XKR4: variants seen among roughly 807,000 people sequenced by gnomAD.
XKR4 encodes XK related 4, also known as XK-related protein 4.
A neutral mutation model predicts 53.9 loss-of-function variants in XKR4; 12 were observed. The observed-to-expected ratio is 0.22, with a 90% CI of 0.14 to 0.36. The LOEUF (loss-of-function observed/expected upper bound fraction) is 0.36. Ranked by LOEUF, XKR4 falls within the 10% of genes least tolerant of loss-of-function variation. The probability of loss-of-function intolerance (pLI) is 1.00; values close to 1 mark genes in which losing one functional copy is unlikely to be tolerated. For missense variants in XKR4, 799 were observed against 859.5 expected, an observed-to-expected ratio of 0.93 and a Z score of 0.88; for synonymous variants, 354 against 362.4, an observed-to-expected ratio of 0.98 and a Z score of 0.26.
At chr8:55,510,916 G>A (rs1806615986) in intron 2 of XKR4, among the ~76,000 whole-genome samples, 1 of 152,154 alleles carries the variant, frequency 6.6e-6, no homozygotes, top group East Asian at 1.9e-4. Flanking sequence ...CTGAGCCCTT[G>A]GGGTCCTCAC....
chr8:55,206,731 A>T (rs16921396), intron 1 of XKR4, among the ~76,000 whole-genome samples: 4,152 of 152,338 alleles, frequency 0.027, 123 homozygotes, highest in African/African-American at 0.071. Context: ...TTTTGCAGAA[A>T]CATTAATTTT....
At chr8:55,141,966 G>C (rs1816710824) in intron 1 of XKR4, among the ~76,000 whole-genome samples, 6 of 152,038 alleles carry the variant, frequency 3.9e-5, no homozygotes, top group Admixed American at 3.3e-4. Context: ...CCTTCCCCAG[G>C]CCCCGCCTCT....
intron 2 of XKR4, among the ~76,000 whole-genome samples, chr8:55,426,343 T>G (rs150301952): frequency 6.6e-6 from 1 of 152,250 alleles, no homozygotes; most frequent in East Asian, 1.9e-4. Flanking sequence ...TCCTGAAGCC[T>G]TTCCTAAAAC....
chr8:55,211,495 G>A (rs1817729350), intron 1 of XKR4, among the ~76,000 whole-genome samples: 1 of 152,072 alleles, frequency 6.6e-6, no homozygotes, highest in Admixed American at 6.5e-5. Context: ...ACTCAAATTA[G>A]GTCTTTACTA....
intron 1 of XKR4, among the ~76,000 whole-genome samples, chr8:55,303,534 C>A (rs1311318583): frequency 6.6e-6 from 1 of 152,172 alleles, no homozygotes. Flanking sequence ...GGAGGATTCC[C>A]TCTTTTTCTA....
At chr8:55,266,994 A>T (rs559510669) in intron 1 of XKR4, among the ~76,000 whole-genome samples, 1 of 152,212 alleles carries the variant, frequency 6.6e-6, no homozygotes, top group Non-Finnish European at 1.5e-5. Context: ...TTATGCAATG[A>T]CAAGATCAAA....
At chr8:55,176,933 C>T (rs1011881580) in intron 1 of XKR4, among the ~76,000 whole-genome samples, 2 of 152,062 alleles carry the variant, frequency 1.3e-5, no homozygotes, top group African/African-American at 4.8e-5. Context: ...AATTTGTGCG[C>T]AGCCAAATCA....
chr8:55,418,735 C>A (rs1804884532), intron 2 of XKR4, among the ~76,000 whole-genome samples: 1 of 152,338 alleles, frequency 6.6e-6, no homozygotes, highest in Admixed American at 6.5e-5. Context: ...GAGGCACAGG[C>A]TCAGTGATAG....
At chr8:55,451,683 C>A in intron 2 of XKR4, 1 of 1,492,218 alleles carries the variant, frequency 6.7e-7, no homozygotes, top group Non-Finnish European at 9.2e-7. Context: ...TCAGCAGCCC[C>A]GGGTACCTGC....
intron 1 of XKR4, among the ~76,000 whole-genome samples, chr8:55,263,442 C>T (rs1372748988): frequency 6.6e-6 from 1 of 152,130 alleles, no homozygotes; most frequent in East Asian, 1.9e-4. Flanking sequence ...TGCACTTTTC[C>T]TTAGGGTCAG....
In XKR4 at chr8:55,310,059, G is replaced by A. The variant is rs1586003297; in HGVS notation, c.807-47619G>A. ...TGTGTGTGCATGTGTGTCTGTGTGT[G>A]TGTGTGCATGTTTTTGAAGAAAACA... On this transcript the variant is annotated intron_variant, in intron 1 of 2. Transcript: ENST00000327381. Among the ~76,000 whole-genome samples, 4 of 152,138 alleles carry A rather than the reference G, an allele frequency of 2.6e-5. No homozygotes were observed. In the South Asian group the frequency reaches 8.3e-4, roughly 32 times the overall value.
chr8:55,410,576 A>C (rs541119455), intron 2 of XKR4, among the ~76,000 whole-genome samples: 11 of 152,164 alleles, frequency 7.2e-5, no homozygotes, highest in African/African-American at 2.6e-4. Context: ...ACTCACATTC[A>C]TCCCCCTGTA....
chr8:55,159,250 G>T (rs974382326), intron 1 of XKR4, among the ~76,000 whole-genome samples: 2 of 152,162 alleles, frequency 1.3e-5, no homozygotes, highest in Non-Finnish European at 1.5e-5. Context: ...ATTGGTAGAA[G>T]TAGTCTTTTA....
At chr8:55,430,742 G>A (rs1409554483) in intron 2 of XKR4, among the ~76,000 whole-genome samples, 6 of 152,208 alleles carry the variant, frequency 3.9e-5, no homozygotes, top group Non-Finnish European at 8.8e-5. Context: ...TGAAGGTGTA[G>A]GTAAGGTTGG....
chr8:55,246,200 A>G (rs1289027926), intron 1 of XKR4, among the ~76,000 whole-genome samples: 1 of 152,154 alleles, frequency 6.6e-6, no homozygotes, highest in Non-Finnish European at 1.5e-5. Flanking sequence ...TATCTTGTGT[A>G]TACTGCTGAA....
intron 1 of XKR4, among the ~76,000 whole-genome samples, chr8:55,347,517 G>A (rs1803666940): frequency 6.6e-6 from 1 of 152,182 alleles, no homozygotes; most frequent in South Asian, 2.1e-4. Context: ...GGTGACCTTT[G>A]TGATGTAAAC....
chr8:55,221,573 T>A (rs1290864121), intron 1 of XKR4, among the ~76,000 whole-genome samples: 1 of 152,144 alleles, frequency 6.6e-6, no homozygotes, highest in Non-Finnish European at 1.5e-5. Context: ...AACTTTGTGG[T>A]GCTCAGACTA....
intron 2 of XKR4, among the ~76,000 whole-genome samples, chr8:55,443,977 C>G (rs536089411): frequency 2.6e-5 from 4 of 152,264 alleles, no homozygotes; most frequent in Admixed American, 6.5e-5. Context: ...TTGAGACCAG[C>G]TTGGCCAACA....
chr8:55,371,555 C>T (rs1804070348), intron 2 of XKR4, among the ~76,000 whole-genome samples: 2 of 152,212 alleles, frequency 1.3e-5, no homozygotes, highest in Admixed American at 1.3e-4. Context: ...CACTAGTCTG[C>T]TTAATCAATA....
Sources: allele counts gnomAD v4.1 joint callset (sites outside exome capture counted in the v4.1 genomes callset), GRCh38; gene constraint gnomAD v4.1.1; transcripts MANE v1.5; gene names NCBI Gene and HGNC (gene_info 2026-07-23, HGNC 2026-07-21).